TSHZ2: variants seen among roughly 807,000 people sequenced by gnomAD.
The protein encoded by TSHZ2 is teashirt zinc finger homeobox 2.
In TSHZ2, 21 loss-of-function variants were observed where a neutral mutation model predicts 74.4. The ratio of observed to expected loss-of-function variants is 0.28; its 90% CI spans 0.20 to 0.41. TSHZ2 has a LOEUF of 0.41. TSHZ2 is among the 10% of genes least tolerant of loss of function. TSHZ2 has a pLI of 1.00. For missense variants in TSHZ2, 1,244 were observed against 1,293.5 expected, an observed-to-expected ratio of 0.96 and a Z score of 0.59; for synonymous variants, 540 against 515.3, an observed-to-expected ratio of 1.05 and a Z score of -0.65.
At chr20:53,051,532 C>G (rs891686796) in intron 1 of TSHZ2, among the ~76,000 whole-genome samples, 2 of 150,572 alleles carry the variant, frequency 1.3e-5, no homozygotes, top group East Asian at 2.0e-4. Flanking sequence ...TGTAAGTATT[C>G]AAGCTCTTTT....
intron 2 of TSHZ2, among the ~76,000 whole-genome samples, chr20:53,311,846 C>T (rs906512939): frequency 3.3e-5 from 5 of 152,132 alleles, no homozygotes; most frequent in East Asian, 1.9e-4. Context: ...CTTTGGGAGG[C>T]GGAGGTGGGA....
At chr20:53,354,121 G>T (rs185333815) in intron 2 of TSHZ2, among the ~76,000 whole-genome samples, 1 of 152,288 alleles carries the variant, frequency 6.6e-6, no homozygotes, top group African/African-American at 2.4e-5. Context: ...GCCCTAACAT[G>T]GTAGAAGGCA....
At chr20:53,251,906 C>T (rs1349993803) in intron 1 of TSHZ2, among the ~76,000 whole-genome samples, 3 of 152,180 alleles carry the variant, frequency 2.0e-5, no homozygotes, top group African/African-American at 7.2e-5. Flanking sequence ...AGCAGCATCT[C>T]CTGTATTCGG....
At chr20:53,452,828 T>A (rs977083228) in intron 2 of TSHZ2, among the ~76,000 whole-genome samples, 1 of 152,194 alleles carries the variant, frequency 6.6e-6, no homozygotes, top group African/African-American at 2.4e-5. Flanking sequence ...TGCCTGTTGT[T>A]TGTGTTTTTC....
chr20:53,446,145 A>T (rs558361481), intron 2 of TSHZ2, among the ~76,000 whole-genome samples: 48 of 152,306 alleles, frequency 3.2e-4, no homozygotes, highest in Non-Finnish European at 5.4e-4. Context: ...GATGTGATGC[A>T]GGCAGTGGCT....
At chr20:53,192,633 G>A (rs996092769) in intron 1 of TSHZ2, among the ~76,000 whole-genome samples, 5 of 151,692 alleles carry the variant, frequency 3.3e-5, no homozygotes, top group Non-Finnish European at 1.5e-5. Context: ...AGGGCAGAAT[G>A]TAAAGACCAG....
chr20:53,326,885 A>G (rs1398480051), intron 2 of TSHZ2, among the ~76,000 whole-genome samples: 1 of 152,228 alleles, frequency 6.6e-6, no homozygotes, highest in Non-Finnish European at 1.5e-5. Flanking sequence ...CAGGTCTACA[A>G]TTATGATGAT....
At chr20:53,478,597 G>A (rs1257299254) in intron 2 of TSHZ2, among the ~76,000 whole-genome samples, 1 of 151,302 alleles carries the variant, frequency 6.6e-6, no homozygotes, top group Non-Finnish European at 1.5e-5. Flanking sequence ...CACCAGCATG[G>A]CACATGTATA....
chr20:53,479,300 G>A (rs2145851922), intron 2 of TSHZ2, among the ~76,000 whole-genome samples: 1 of 152,252 alleles, frequency 6.6e-6, no homozygotes, highest in South Asian at 2.1e-4. Flanking sequence ...AGCAGCTTGG[G>A]GTGGGCCCTG....
chr20:53,245,041 G>GC (rs1990169299), intron 1 of TSHZ2, among the ~76,000 whole-genome samples: 1 of 152,200 alleles, frequency 6.6e-6, no homozygotes, highest in East Asian at 1.9e-4. Flanking sequence ...TCAGCCATCT[G>GC]TGGGTTCAGG....
At chr20:53,465,431 C>T (rs560991999) in intron 2 of TSHZ2, among the ~76,000 whole-genome samples, 3 of 152,038 alleles carry the variant, frequency 2.0e-5, no homozygotes, top group South Asian at 2.1e-4. Context: ...CCACCACACC[C>T]GACTAATTTT....
chr20:53,223,661 G>A (rs1420098698), intron 1 of TSHZ2, among the ~76,000 whole-genome samples: 1 of 152,108 alleles, frequency 6.6e-6, no homozygotes, highest in African/African-American at 2.4e-5. Flanking sequence ...CTTCCAAAGT[G>A]CCGGGATTAC....
intron 1 of TSHZ2, among the ~76,000 whole-genome samples, chr20:53,218,078 C>T (rs936221734): frequency 6.6e-6 from 1 of 152,152 alleles, no homozygotes. Flanking sequence ...TTGAAGGAGC[C>T]GCAAATGGCA....
At chr20:53,261,058 T>C (rs1372425485) in intron 2 of TSHZ2, among the ~76,000 whole-genome samples, 1 of 152,250 alleles carries the variant, frequency 6.6e-6, no homozygotes, top group African/African-American at 2.4e-5. Flanking sequence ...AAGACAAAAC[T>C]AAACCTGGAG....
chr20:52,993,471 T>G (rs1464598914), intron 1 of TSHZ2, among the ~76,000 whole-genome samples: 1 of 152,250 alleles, frequency 6.6e-6, no homozygotes, highest in Non-Finnish European at 1.5e-5. Context: ...CTCATTTTCA[T>G]TTTAGATCAC....
At chr20:52,977,952 A>C (rs1398731395) in intron 1 of TSHZ2, among the ~76,000 whole-genome samples, 1 of 151,986 alleles carries the variant, frequency 6.6e-6, no homozygotes, top group Non-Finnish European at 1.5e-5. Context: ...TTTTTCTTCC[A>C]CTTTACATTT....
intron 1 of TSHZ2, among the ~76,000 whole-genome samples, chr20:53,020,637 A>G (rs1387866549): frequency 6.6e-6 from 1 of 152,212 alleles, no homozygotes; most frequent in East Asian, 1.9e-4. Flanking sequence ...GAATATCACC[A>G]CTTACTTCCT....
At chr20:52,986,893 T>A (rs1385272734) in intron 1 of TSHZ2, among the ~76,000 whole-genome samples, 2 of 148,192 alleles carry the variant, frequency 1.3e-5, no homozygotes, top group Non-Finnish European at 3.0e-5. Flanking sequence ...AAAAATCAAT[T>A]GTGTGTGTGT....
chr20:53,144,041 T>C (rs1987478322), intron 1 of TSHZ2, among the ~76,000 whole-genome samples: 1 of 152,180 alleles, frequency 6.6e-6, no homozygotes. Context: ...CTAAGTCAGT[T>C]TCTGGGTGGA....
Sources: gnomAD v4.1 joint callset for allele counts (sites outside exome capture counted in the v4.1 genomes callset) on GRCh38, gnomAD v4.1.1 for gene constraint, MANE v1.5 for transcripts, NCBI Gene and HGNC (gene_info 2026-07-23, HGNC 2026-07-21) for gene names.